The following TBL1XR1 variants were observed in gnomAD, a reference collection of about 807,000 sequenced individuals.
TBL1XR1 encodes the protein F-box-like/WD repeat-containing protein TBL1XR1.
A neutral mutation model predicts 66.9 loss-of-function variants in TBL1XR1; 5 were observed. The observed-to-expected ratio is 0.07, with a 90% CI of 0.04 to 0.16. The LOEUF is 0.16. TBL1XR1 is among the 10% of genes least tolerant of loss of function. The pLI, the probability that TBL1XR1 is intolerant of heterozygous loss-of-function variation, is 1.00. For synonymous variants in TBL1XR1, 210 were observed against 206.0 expected (o/e 1.02, Z -0.17); for missense variants, 238 against 623.2 (o/e 0.38, Z 6.58).
At chr3:177,186,129 C>T (rs1735375718) in intron 1 of TBL1XR1, among the ~76,000 whole-genome samples, 1 of 152,224 alleles carries the variant, frequency 6.6e-6, no homozygotes, top group South Asian at 2.1e-4. Flanking sequence ...AAGATGTATT[C>T]CCATGATACA....
intron 2 of TBL1XR1, among the ~76,000 whole-genome samples, chr3:177,066,946 T>G (rs775327577): frequency 4.6e-5 from 7 of 152,218 alleles, no homozygotes; most frequent in Non-Finnish European, 1.0e-4. Flanking sequence ...CAATTAACTT[T>G]ATATAACCTG....
intron 1 of TBL1XR1, among the ~76,000 whole-genome samples, chr3:177,190,674 G>C (rs1320859765): frequency 6.6e-6 from 1 of 152,046 alleles, no homozygotes; most frequent in Non-Finnish European, 1.5e-5. Flanking sequence ...TGCAACTCTG[G>C]CAGCACTAAA....
intron 1 of TBL1XR1, among the ~76,000 whole-genome samples, chr3:177,172,641 G>A (rs1560260370): frequency 1.6e-5 from 2 of 125,544 alleles, no homozygotes; most frequent in African/African-American, 5.8e-5. Context: ...AGAAGAGAGA[G>A]AGAGAGAAAG....
intron 3 of TBL1XR1, among the ~76,000 whole-genome samples, chr3:177,060,544 A>C (rs1167344993): frequency 6.6e-6 from 1 of 152,230 alleles, no homozygotes; most frequent in African/African-American, 2.4e-5. Flanking sequence ...CCCTAAAGCA[A>C]ATATACAACT....
At chr3:177,069,807 A>G (rs1011312848) in intron 2 of TBL1XR1, among the ~76,000 whole-genome samples, 17 of 126,474 alleles carry the variant, frequency 1.3e-4, no homozygotes, top group Non-Finnish European at 3.0e-4. Context: ...GAAGGAAGGA[A>G]GGAAGGAAGG....
chr3:177,091,433 C>T (rs535340708), intron 2 of TBL1XR1, among the ~76,000 whole-genome samples: 1 of 151,666 alleles, frequency 6.6e-6, no homozygotes, highest in Non-Finnish European at 1.5e-5. Flanking sequence ...TATAAATATT[C>T]TTTTTCACTA....
At chr3:177,112,074 A>AATTATAT (rs1725639386) in intron 1 of TBL1XR1, among the ~76,000 whole-genome samples, 1 of 40,946 alleles carries the variant, frequency 2.4e-5, no homozygotes, top group African/African-American at 1.1e-4. Flanking sequence ...TATAAAATCA[A>AATTATAT]ATATATATAT....
intron 14 of TBL1XR1, among the ~76,000 whole-genome samples, chr3:177,031,943 G>GA (rs886467670): frequency 6.6e-6 from 1 of 151,790 alleles, no homozygotes; most frequent in African/African-American, 2.4e-5. Context: ...GAAAATAATG[G>GA]AAAAAACATG....
At chr3:177,154,596 C>T (rs1731276821) in intron 1 of TBL1XR1, among the ~76,000 whole-genome samples, 1 of 152,066 alleles carries the variant, frequency 6.6e-6, no homozygotes, top group Non-Finnish European at 1.5e-5. Flanking sequence ...GGGGTTTCGC[C>T]ATGTTGGCCA....
intron 1 of TBL1XR1, among the ~76,000 whole-genome samples, chr3:177,120,233 C>G (rs1216119471): frequency 6.6e-6 from 1 of 152,010 alleles, no homozygotes; most frequent in Non-Finnish European, 1.5e-5. Context: ...CCCTTTTCCT[C>G]TTCTCCTATC....
At chr3:177,119,952 TG>T (rs1726784033) in intron 1 of TBL1XR1, among the ~76,000 whole-genome samples, 2 of 152,184 alleles carry the variant, frequency 1.3e-5, no homozygotes, top group Non-Finnish European at 2.9e-5. Context: ...AGAAAGCCCT[TG>T]GGGACTCGCT....
chr3:177,087,086 G>A (rs1722225746), intron 2 of TBL1XR1: 1 of 135,456 alleles, frequency 7.4e-6, no homozygotes, highest in East Asian at 2.2e-4. Flanking sequence ...CAGACAGGCA[G>A]AAAGGCAGGC....
intron 1 of TBL1XR1, among the ~76,000 whole-genome samples, chr3:177,125,174 T>C (rs1727459677): frequency 6.6e-6 from 1 of 152,162 alleles, no homozygotes; most frequent in Non-Finnish European, 1.5e-5. Context: ...ATCACAGATA[T>C]GAATCATAAC....
chr3:177,139,977 T>C (rs1729451577), intron 1 of TBL1XR1, among the ~76,000 whole-genome samples: 1 of 152,026 alleles, frequency 6.6e-6, no homozygotes, highest in Non-Finnish European at 1.5e-5. Context: ...TAGAAGACAA[T>C]ATAGCAGTGT....
At chr3:177,118,994 G>A (rs987948139) in intron 1 of TBL1XR1, among the ~76,000 whole-genome samples, 2 of 152,048 alleles carry the variant, frequency 1.3e-5, no homozygotes, top group Non-Finnish European at 2.9e-5. Flanking sequence ...TTTTTGAGAC[G>A]GAGTTTCACT....
intron 3 of TBL1XR1, among the ~76,000 whole-genome samples, chr3:177,062,147 C>A (rs1279636631): frequency 6.6e-6 from 1 of 152,172 alleles, no homozygotes; most frequent in Non-Finnish European, 1.5e-5. Flanking sequence ...CCGCCTGACC[C>A]ACAAACACAA....
chr3:177,066,313 G>GAC (rs1719157608), intron 2 of TBL1XR1, among the ~76,000 whole-genome samples: 1 of 152,110 alleles, frequency 6.6e-6, no homozygotes, highest in African/African-American at 2.4e-5. Context: ...TTTTCTAGTG[G>GAC]ACACACACAG....
chr3:177,094,889 G>C (rs948510476), intron 2 of TBL1XR1, among the ~76,000 whole-genome samples: 1 of 151,966 alleles, frequency 6.6e-6, no homozygotes, highest in African/African-American at 2.4e-5. Flanking sequence ...CAGGTGATGA[G>C]TGCACCAAAA....
At chr3:177,195,826 CAAG>C in intron 1 of TBL1XR1, among the ~76,000 whole-genome samples, 1 of 152,230 alleles carries the variant, frequency 6.6e-6, no homozygotes, top group South Asian at 2.1e-4. Context: ...GTTTGGAAAA[CAAG>C]AAAGTGAATA....
Sources: allele counts gnomAD v4.1 joint callset (sites outside exome capture counted in the v4.1 genomes callset), GRCh38; gene constraint gnomAD v4.1.1; transcripts MANE v1.5; gene names NCBI Gene and HGNC (gene_info 2026-07-23, HGNC 2026-07-21).